Variants in SERPINE2 observed in about 807,000 individuals in gnomAD.
The protein encoded by SERPINE2 is serpin family E member 2.
SERPINE2 carries 14 observed loss-of-function variants against 36.3 expected under a neutral mutation model. The ratio of observed to expected loss-of-function variants is 0.39; its 90% CI spans 0.25 to 0.60. The LOEUF (loss-of-function observed/expected upper bound fraction) is 0.60, where lower values mean the gene tolerates loss of function less well. SERPINE2 is among the 20% of genes least tolerant of loss of function. The pLI is 0.57. For synonymous variants in SERPINE2, 192 were observed against 191.8 expected (o/e 1.00, Z -0.01); for missense variants, 418 against 499.6 (o/e 0.84, Z 1.56).
At chr2:224,033,091 T>C (rs556438642) in intron 1 of SERPINE2, among the ~76,000 whole-genome samples, 5 of 152,316 alleles carry the variant, frequency 3.3e-5, no homozygotes, top group African/African-American at 1.2e-4. Context: ...GTTTATTGCA[T>C]TTGACTCCAT....
chr2:224,038,565 A>T (rs1253368192), intron 1 of SERPINE2: 1 of 1,521,192 alleles, frequency 6.6e-7, no homozygotes, highest in Non-Finnish European at 8.9e-7. Flanking sequence ...CGCTCGGGTT[A>T]AATCGGCTGC....
chr2:223,977,676 T>C (rs1559191687), intron 7 of SERPINE2, 49 bp from the exon 8 acceptor site: 2 of 1,304,050 alleles, frequency 1.5e-6, no homozygotes. Flanking sequence ...TGAGACCATG[T>C]AAGCATAAGG....
At chr2:223,977,759 G>A (rs1690067419) in intron 7 of SERPINE2, 132 bp from the exon 8 acceptor site, 1 of 660,968 alleles carries the variant, frequency 1.5e-6, no homozygotes, top group South Asian at 1.6e-5. Context: ...TGTTCCATAG[G>A]CTGGCCATGT....
chr2:224,017,314 TAAC>T (rs1691831940), intron 1 of SERPINE2, among the ~76,000 whole-genome samples: 1 of 151,686 alleles, frequency 6.6e-6, no homozygotes, highest in African/African-American at 2.4e-5. Flanking sequence ...TATCTCAAAA[TAAC>T]AACAAAAAAA....
At chr2:224,014,952 G>A (rs1021504064) in intron 1 of SERPINE2, among the ~76,000 whole-genome samples, 7 of 152,142 alleles carry the variant, frequency 4.6e-5, no homozygotes, top group African/African-American at 1.4e-4. Flanking sequence ...TGACTCTGTC[G>A]CTCAGGGAGC....
chr2:224,033,300 C>A (rs1692436646), intron 1 of SERPINE2, among the ~76,000 whole-genome samples: 1 of 152,078 alleles, frequency 6.6e-6, no homozygotes, highest in African/African-American at 2.4e-5. Flanking sequence ...CAAACTAAAT[C>A]TTCATGTTGG....
chr2:224,002,046 A>G (rs1691198830), intron 1 of SERPINE2, 124 bp from the exon 2 acceptor site: 1 of 868,726 alleles, frequency 1.2e-6, no homozygotes, highest in African/African-American at 1.7e-5. Context: ...GTGCCATCTC[A>G]GCTCACTGCA....
intron 1 of SERPINE2, among the ~76,000 whole-genome samples, chr2:224,027,776 CA>C (rs901685548): frequency 1.3e-5 from 2 of 152,302 alleles, no homozygotes; most frequent in Middle Eastern, 3.4e-3. Context: ...ATAAACCCCT[CA>C]AAGATTGGCC....
At chr2:224,028,113 G>A (rs887593266) in intron 1 of SERPINE2, among the ~76,000 whole-genome samples, 3 of 152,210 alleles carry the variant, frequency 2.0e-5, no homozygotes, top group Non-Finnish European at 4.4e-5. Flanking sequence ...GTGAGTGGCA[G>A]GTGATGGCAG....
intron 1 of SERPINE2, among the ~76,000 whole-genome samples, chr2:224,024,544 A>C (rs1186442351): frequency 6.6e-6 from 1 of 152,236 alleles, no homozygotes; most frequent in Non-Finnish European, 1.5e-5. Context: ...ACTGTGGAAC[A>C]GGCCTGTTGT....
chr2:224,010,800 CTCT>C (rs1691599759), intron 1 of SERPINE2, among the ~76,000 whole-genome samples: 5 of 152,298 alleles, frequency 3.3e-5, no homozygotes, highest in African/African-American at 1.2e-4. Flanking sequence ...AATGCTGGCT[CTCT>C]TCTTCTGGTC....
chr2:223,982,664 T>C lies in SERPINE2; in HGVS notation c.985+17A>G. On this transcript the variant is annotated intron_variant, in intron 6 of 8. Transcript: ENST00000409304. ...CACTTTCTTCAAGTATACAAATACA[T>C]TTTAAATTGAACATACTTGTTATTT... The C allele has an allele frequency of 6.9e-7, 1 of 1,459,712 alleles. No individual in the cohort carries two copies. Among genetic ancestry groups the C allele is most frequent in the Middle Eastern group, 1.8e-4 (1 of 5,706 alleles). The allele number at this position is 1,459,712 out of a possible 1,614,324, so 90.4% of individuals were successfully genotyped here.
At chr2:224,018,643 G>A (rs1052170881) in intron 1 of SERPINE2, among the ~76,000 whole-genome samples, 1 of 151,040 alleles carries the variant, frequency 6.6e-6, no homozygotes, top group Non-Finnish European at 1.5e-5. Flanking sequence ...ATATATAGAA[G>A]TCCCTTTATC....
At position 224,034,517 on chromosome 2, in the gene SERPINE2, T is replaced by C. The variant is rs117081470; in HGVS notation, c.-23+4582A>G. ...TGAAGAAAGCTTTGACTCTGTTGGG[T>C]CATTACAAATGGCCAGCAGCCTGGT... On this transcript the variant is annotated intron_variant, in intron 1 of 8. Coordinates refer to ENST00000409304, the MANE Select transcript of SERPINE2 (RefSeq NM_001136528.2). 4.0e-3 allele frequency among the ~76,000 whole-genome samples: 616 copies of C among 152,168 alleles called. 29 individuals are homozygous for C. The East Asian group carries it at 0.088, about 22-fold the overall frequency.
intron 8 of SERPINE2, among the ~76,000 whole-genome samples, chr2:223,976,718 C>T (rs1690026389): frequency 6.6e-6 from 1 of 152,208 alleles, no homozygotes; most frequent in Non-Finnish European, 1.5e-5. Context: ...CTACTGTTGT[C>T]CTCATTTTAA....
intron 1 of SERPINE2, among the ~76,000 whole-genome samples, chr2:224,005,983 C>T (rs6436453): frequency 0.68 from 102,963 of 151,704 alleles, 35,433 homozygotes; most frequent in Non-Finnish European, 0.74. Context: ...CTTTCCAATA[C>T]GGGGAATGTT....
intron 5 of SERPINE2, 90 bp downstream of exon 5, chr2:223,984,662 A>G (rs145669443): frequency 8.2e-7 from 1 of 1,216,986 alleles, no homozygotes; most frequent in Non-Finnish European, 1.2e-6. Context: ...ATGATGTGCC[A>G]TATTTTCGCC....
intron 8 of SERPINE2, among the ~76,000 whole-genome samples, chr2:223,977,155 G>A (rs1029941583): frequency 1.3e-5 from 2 of 152,132 alleles, no homozygotes; most frequent in Non-Finnish European, 2.9e-5. Flanking sequence ...CCACTCTAGG[G>A]TATTTCTTCA....
At chr2:223,983,240 T>C (rs916438807) in intron 5 of SERPINE2, among the ~76,000 whole-genome samples, 9 of 152,302 alleles carry the variant, frequency 5.9e-5, no homozygotes, top group African/African-American at 2.2e-4. Flanking sequence ...GGAGAAACAT[T>C]CCTGATAGTT....
Sources: gnomAD v4.1 joint callset for allele counts (sites outside exome capture counted in the v4.1 genomes callset) on GRCh38, gnomAD v4.1.1 for gene constraint, MANE v1.5 for transcripts, NCBI Gene and HGNC (gene_info 2026-07-23, HGNC 2026-07-21) for gene names.